Variants in ZFHX3 observed in about 807,000 individuals in gnomAD.
ZFHX3 encodes the protein zinc finger homeobox 3.
In ZFHX3, 42 loss-of-function variants were observed where a neutral mutation model predicts 279.1. The observed-to-expected ratio is 0.15, with a 90% confidence interval of 0.12 to 0.19. ZFHX3 has a LOEUF of 0.19. Among genes scored for constraint, ZFHX3 ranks in the 10% least tolerant of loss-of-function variants. ZFHX3 has a pLI of 1.00. For missense variants in ZFHX3, 4,981 were observed against 4,754.0 expected (o/e 1.05, Z -1.40); for synonymous variants, 2,293 against 1,957.8 (o/e 1.17, Z -4.52).
intron 1 of ZFHX3, among the ~76,000 whole-genome samples, chr16:73,803,208 C>G (rs1396751573): frequency 6.6e-6 from 1 of 152,242 alleles, no homozygotes. Flanking sequence ...ACAGGAAATG[C>G]AAATAGTCAA....
At chr16:72,823,718 A>G (rs184830234) in intron 5 of ZFHX3, among the ~76,000 whole-genome samples, 2 of 152,230 alleles carry the variant, frequency 1.3e-5, no homozygotes, top group East Asian at 3.9e-4. Flanking sequence ...AACTGTCCCT[A>G]CCCCAGTCAT....
chr16:73,131,062 C>G (rs1966670855), exon 7 of ZFHX3: 4 of 1,108,150 alleles, frequency 3.6e-6, no homozygotes, highest in South Asian at 2.6e-5. Context: ...CTTGCTGGCT[C>G]TTGTTAACTT....
At chr16:73,724,628 A>C (rs1488332672) in intron 1 of ZFHX3, among the ~76,000 whole-genome samples, 1 of 152,178 alleles carries the variant, frequency 6.6e-6, no homozygotes, top group Admixed American at 6.5e-5. Flanking sequence ...AATTTTAGGG[A>C]ACTATGGAAG....
At chr16:73,663,866 T>C (rs1365264876) in intron 2 of ZFHX3, among the ~76,000 whole-genome samples, 1 of 152,120 alleles carries the variant, frequency 6.6e-6, no homozygotes, top group East Asian at 1.9e-4. Flanking sequence ...ATTGGAGCAA[T>C]TAACCTCTAT....
At chr16:72,814,670 T>C (rs1417376760) in intron 5 of ZFHX3, among the ~76,000 whole-genome samples, 1 of 152,086 alleles carries the variant, frequency 6.6e-6, no homozygotes, top group Non-Finnish European at 1.5e-5. Flanking sequence ...TTTTGTGAGC[T>C]TGAGCTAAGG....
At chr16:73,652,017 C>G (rs755150994) in intron 2 of ZFHX3, among the ~76,000 whole-genome samples, 1 of 152,000 alleles carries the variant, frequency 6.6e-6, no homozygotes, top group Non-Finnish European at 1.5e-5. Context: ...GTGTTTTAAA[C>G]CCTCTACACA....
chr16:72,793,108 CG>C lies in ZFHX3; in HGVS notation c.9427+146del, dbSNP rs2035769108. The C allele has an allele frequency of 6.4e-6, 9 of 1,416,876 alleles. No individual in the cohort carries two copies. The South Asian group carries it at 1.2e-4, about 18-fold the overall frequency. The allele number at this position is 1,416,876 out of a possible 1,614,324, so 87.8% of individuals were successfully genotyped here. ...CAGTACTTGGGAGACTCAACAGGAA[CG>C]AACTGAAGTCTTGTTGCTTTTAAAG... On this transcript the variant is annotated intron_variant, in intron 9 of 9. Transcript: ENST00000268489. This position sits in a 1 kb window ranked among gnomAD's most constrained non-coding sequence, Gnocchi z 4.3.
At chr16:73,381,133 T>C (rs2016811953) in intron 3 of ZFHX3, among the ~76,000 whole-genome samples, 1 of 152,114 alleles carries the variant, frequency 6.6e-6, no homozygotes, top group Non-Finnish European at 1.5e-5. Flanking sequence ...CCTATATGAA[T>C]AAACTATAAA....
Position 72,892,629 on chromosome 16 carries a change from T to C in ZFHX3, c.3217-2667A>G, listed in dbSNP as rs76940904. On this transcript the variant is annotated intron_variant, in intron 3 of 9. Coordinates refer to ENST00000268489, the MANE Select transcript of ZFHX3 (RefSeq NM_006885.4). ...TTCAAGCAATTCTCCTGCCTCAGCCTCTTGAGTAGCTGGGACTACAGGCAT... is the reference window on the plus strand; with the variant it reads ...TTCAAGCAATTCTCCTGCCTCAGCCCCTTGAGTAGCTGGGACTACAGGCAT... 5.8e-3 allele frequency among the ~76,000 whole-genome samples: 884 copies of C among 152,014 alleles called. 23 individuals are homozygous for C. The highest frequency in any genetic ancestry group is 0.056 in the East Asian group (290 of 5,160).
At chr16:73,361,768 G>C (rs1352977400) in intron 3 of ZFHX3, among the ~76,000 whole-genome samples, 3 of 152,112 alleles carry the variant, frequency 2.0e-5, no homozygotes, top group Admixed American at 6.6e-5. Flanking sequence ...ATCAGTTTTT[G>C]AGATTGCTTC....
intron 1 of ZFHX3, among the ~76,000 whole-genome samples, chr16:73,815,372 C>A (rs753305917): frequency 6.6e-6 from 1 of 152,120 alleles, no homozygotes; most frequent in South Asian, 2.1e-4. Flanking sequence ...AACTTGGCAA[C>A]AGAAAACCCC....
intron 2 of ZFHX3, among the ~76,000 whole-genome samples, chr16:73,673,162 A>T (rs867883797): frequency 6.6e-6 from 1 of 152,182 alleles, no homozygotes; most frequent in Non-Finnish European, 1.5e-5. Context: ...GCAAGGGAAC[A>T]GTGAACACAC....
chr16:73,072,469 T>C (rs1254592581), intron 8 of ZFHX3, among the ~76,000 whole-genome samples: 1 of 140,640 alleles, frequency 7.1e-6, no homozygotes, highest in East Asian at 2.1e-4. Flanking sequence ...AAAAGGAAAA[T>C]CAAAAATATA....
At chr16:73,678,483 T>G (rs918442425) in intron 2 of ZFHX3, among the ~76,000 whole-genome samples, 3 of 152,200 alleles carry the variant, frequency 2.0e-5, no homozygotes, top group African/African-American at 7.2e-5. Context: ...ATTTTCCAAA[T>G]TTTTCAGAAC....
At chr16:73,286,027 GCCTCC>G (rs2014586741) in intron 4 of ZFHX3, among the ~76,000 whole-genome samples, 9 of 152,274 alleles carry the variant, frequency 5.9e-5, no homozygotes, top group Admixed American at 3.3e-4. Flanking sequence ...CAGAAAAGCA[GCCTCC>G]GCCTGGCTGG....
chr16:73,360,728 T>C (rs1331394301), intron 3 of ZFHX3, among the ~76,000 whole-genome samples: 1 of 152,216 alleles, frequency 6.6e-6, no homozygotes, highest in Non-Finnish European at 1.5e-5. Flanking sequence ...AAGACTGCAG[T>C]GTCTGGTATA....
chr16:73,399,836 T>TGG (rs869045328), intron 3 of ZFHX3, among the ~76,000 whole-genome samples: 2 of 59,730 alleles, frequency 3.3e-5, no homozygotes, highest in Non-Finnish European at 3.4e-5. Context: ...GTGTGGTGTG[T>TGG]GGTGTGTGTG....
At chr16:73,776,432 T>C (rs1959245670) in intron 1 of ZFHX3, among the ~76,000 whole-genome samples, 1 of 152,212 alleles carries the variant, frequency 6.6e-6, no homozygotes. Flanking sequence ...TAAGGTTTCC[T>C]CTTTCAGAAA....
At chr16:73,610,219 A>C (rs2143880843) in intron 2 of ZFHX3, 1 of 152,204 alleles carries the variant, frequency 6.6e-6, no homozygotes, top group Middle Eastern at 3.4e-3. Context: ...AAAAATAGCG[A>C]TTCAGGGATT....
Sources: gnomAD v4.1 joint callset for allele counts (sites outside exome capture counted in the v4.1 genomes callset) on GRCh38, gnomAD v4.1.1 for gene constraint, Gnocchi (gnomAD v3.1) non-coding constraint, MANE v1.5 for transcripts, NCBI Gene and HGNC (gene_info 2026-07-23, HGNC 2026-07-21) for gene names.